NUBPL: variants seen among roughly 807,000 people sequenced by gnomAD.
The protein encoded by NUBPL is NUBP iron-sulfur cluster assembly factor, mitochondrial, also known as iron-sulfur cluster transfer protein NUBPL.
NUBPL carries 31 observed loss-of-function variants against 45.7 expected under a neutral mutation model. The ratio of observed to expected loss-of-function variants is 0.68; its 90% CI spans 0.51 to 0.92. The LOEUF (loss-of-function observed/expected upper bound fraction) is 0.92, where lower values mean the gene tolerates loss of function less well. NUBPL is among the 40% of genes least tolerant of loss of function. The pLI is 0.00. For synonymous variants in NUBPL, 144 were observed against 140.9 expected, an observed-to-expected ratio of 1.02 and a Z score of -0.15; for missense variants, 401 against 398.7, an observed-to-expected ratio of 1.01 and a Z score of -0.05.
At chr14:31,800,895 G>A (rs1359044711) in intron 7 of NUBPL, 1 of 152,162 alleles carries the variant, frequency 6.6e-6, no homozygotes, top group Non-Finnish European at 1.5e-5. Flanking sequence ...GTCCTAGCAG[G>A]AAACAGACGG....
chr14:31,666,228 GAT>G (rs1220296192), intron 4 of NUBPL, among the ~76,000 whole-genome samples: 28 of 26,694 alleles, frequency 1.0e-3, no homozygotes, highest in African/African-American at 2.7e-3. Flanking sequence ...TTATATTTAA[GAT>G]ATATATATAT....
intron 6 of NUBPL, among the ~76,000 whole-genome samples, chr14:31,778,089 G>A (rs974366894): frequency 6.6e-6 from 1 of 152,214 alleles, no homozygotes; most frequent in Non-Finnish European, 1.5e-5. Context: ...GTCAGTGTTG[G>A]CGTGTGCCTC....
chr14:31,814,361 G>A (rs2039873651), intron 7 of NUBPL, among the ~76,000 whole-genome samples: 1 of 151,854 alleles, frequency 6.6e-6, no homozygotes, highest in South Asian at 2.1e-4. Context: ...CATATCTTTT[G>A]CCCACTTTTT....
intron 6 of NUBPL, among the ~76,000 whole-genome samples, chr14:31,703,796 AATC>A (rs1370479924): frequency 6.6e-6 from 1 of 152,230 alleles, no homozygotes; most frequent in Non-Finnish European, 1.5e-5. Flanking sequence ...GCCTGGGCTC[AATC>A]GCCCAATACC....
At chr14:31,722,217 T>A (rs1021416981) in intron 6 of NUBPL, among the ~76,000 whole-genome samples, 4 of 152,074 alleles carry the variant, frequency 2.6e-5, no homozygotes, top group Admixed American at 6.6e-5. Flanking sequence ...TCACTGTGTT[T>A]GCCAGGATGG....
chr14:31,622,374 G>C (rs192697679), intron 4 of NUBPL, among the ~76,000 whole-genome samples: 76 of 152,134 alleles, frequency 5.0e-4, no homozygotes, highest in African/African-American at 1.6e-3. Flanking sequence ...TCGTTTTTTT[G>C]GGGGGAGAAA....
intron 7 of NUBPL, among the ~76,000 whole-genome samples, chr14:31,821,814 G>T (rs776576119): frequency 2.0e-5 from 3 of 152,210 alleles, no homozygotes; most frequent in Non-Finnish European, 4.4e-5. Flanking sequence ...AATGGTTAAA[G>T]AAAATGTGTT....
intron 4 of NUBPL, among the ~76,000 whole-genome samples, chr14:31,615,077 G>A (rs2034862263): frequency 6.6e-6 from 1 of 152,132 alleles, no homozygotes; most frequent in Non-Finnish European, 1.5e-5. Context: ...GAATGGACCT[G>A]GTGGGAGGTG....
chr14:31,640,463 C>T (rs2035656658), intron 4 of NUBPL, among the ~76,000 whole-genome samples: 1 of 151,518 alleles, frequency 6.6e-6, no homozygotes, highest in Non-Finnish European at 1.5e-5. Flanking sequence ...AGTAAAAATA[C>T]AAAAATTAGG....
rs548452581 is a variant in NUBPL at position 31,737,097 on chromosome 14, A to G, written c.514-50683A>G. 4.2e-3 allele frequency among the ~76,000 whole-genome samples: 505 copies of G among 118,980 alleles called. 3 individuals carry two copies. The highest frequency in any genetic ancestry group is 6.5e-3 in the Non-Finnish European group (372 of 57,260). 78.1% of individuals were successfully genotyped at this position (118,980 alleles called of 152,430 possible). Reference sequence around the variant, plus strand: ...TTTGTCAGATGTGTTGCAGATATCAATCAATGGCTTGTAATTTCACTTGCT... The same window carrying G: ...TTTGTCAGATGTGTTGCAGATATCAGTCAATGGCTTGTAATTTCACTTGCT... On this transcript the variant is annotated intron_variant, in intron 6 of 10. Transcript: ENST00000281081.
chr14:31,708,556 A>G (rs1380569129), intron 6 of NUBPL, among the ~76,000 whole-genome samples: 3 of 152,246 alleles, frequency 2.0e-5, no homozygotes, highest in Non-Finnish European at 2.9e-5. Flanking sequence ...AAGTCTCCCA[A>G]TTACGACTGA....
intron 4 of NUBPL, among the ~76,000 whole-genome samples, chr14:31,655,483 C>T (rs1458399237): frequency 6.6e-6 from 1 of 152,114 alleles, no homozygotes; most frequent in African/African-American, 2.4e-5. Context: ...GAGGCTGATG[C>T]GGGTGGATTG....
In NUBPL at chr14:31,636,552, T is replaced by C. The variant is rs555717754; in HGVS notation, c.383-36803T>C. On this transcript the variant is annotated intron_variant, in intron 4 of 10. Coordinates refer to ENST00000281081, the MANE Select transcript of NUBPL (RefSeq NM_025152.3). The stretch of plus-strand genomic sequence containing the variant: ...TCAAGGATATTGGTCTAAAATTCTC[T>C]TTTTTGGTTGTGTCTCTGCCTGGCT... Among the ~76,000 whole-genome samples, 19 of 152,288 alleles carry C rather than the reference T, an allele frequency of 1.2e-4. No individual in the cohort carries two copies. The East Asian group carries it at 3.7e-3, about 29-fold the overall frequency.
At chr14:31,751,403 T>C (rs1424412769) in intron 6 of NUBPL, among the ~76,000 whole-genome samples, 1 of 152,384 alleles carries the variant, frequency 6.6e-6, no homozygotes, top group East Asian at 1.9e-4. Context: ...ATTGGGTAAA[T>C]GTTTCTGTTT....
At chr14:31,566,725 G>C (rs1306289517) in intron 3 of NUBPL, among the ~76,000 whole-genome samples, 1 of 152,014 alleles carries the variant, frequency 6.6e-6, no homozygotes, top group Non-Finnish European at 1.5e-5. Flanking sequence ...GATTATCCTG[G>C]ATTATCTGGC....
chr14:31,717,304 A>G (rs150798774), intron 6 of NUBPL, among the ~76,000 whole-genome samples: 1 of 152,022 alleles, frequency 6.6e-6, no homozygotes, highest in Non-Finnish European at 1.5e-5. Context: ...CTTATCCTTC[A>G]TGTCTTAGCT....
intron 6 of NUBPL, among the ~76,000 whole-genome samples, chr14:31,674,065 CTTTAA>C (rs2036636485): frequency 6.6e-6 from 1 of 152,146 alleles, no homozygotes; most frequent in South Asian, 2.1e-4. Context: ...GTCCAATCAA[CTTTAA>C]TTTAGCCTTA....
intron 6 of NUBPL, among the ~76,000 whole-genome samples, chr14:31,696,151 A>G (rs2037209747): frequency 6.6e-6 from 1 of 152,076 alleles, no homozygotes; most frequent in African/African-American, 2.4e-5. Context: ...CTCTTGGAGT[A>G]TTTTTCTAAC....
At chr14:31,792,827 C>T (rs1412783572) in intron 7 of NUBPL, among the ~76,000 whole-genome samples, 1 of 152,046 alleles carries the variant, frequency 6.6e-6, no homozygotes, top group Non-Finnish European at 1.5e-5. Flanking sequence ...TTTATTCAGG[C>T]CAGTGTCATT....
Sources: gnomAD v4.1 joint callset for allele counts (sites outside exome capture counted in the v4.1 genomes callset) on GRCh38, gnomAD v4.1.1 for gene constraint, MANE v1.5 for transcripts, NCBI Gene and HGNC (gene_info 2026-07-23, HGNC 2026-07-21) for gene names.